Variants in MYH11 observed in about 807,000 individuals in gnomAD.
The protein encoded by MYH11 is myosin heavy chain 11.
In MYH11, 80 loss-of-function variants were observed where a neutral mutation model predicts 246.6. The observed-to-expected ratio is 0.32, with a 90% CI of 0.27 to 0.39. The LOEUF is 0.39. MYH11 is among the 10% of genes least tolerant of loss of function. The pLI is 1.00. For missense variants in MYH11, 2,158 were observed against 2,546.8 expected, an observed-to-expected ratio of 0.85 and a Z score of 3.29; for synonymous variants, 1,071 against 1,015.5, an observed-to-expected ratio of 1.05 and a Z score of -1.04.
chr16:15,726,286 G>C (rs1414951158), intron 28 of MYH11: 1 of 156,172 alleles, frequency 6.4e-6, no homozygotes, highest in African/African-American at 2.4e-5. Context: ...CTTGCTGTTG[G>C]ATCTCAGGAT....
chr16:15,709,351 C>A (rs900883505), intron 40 of MYH11, among the ~76,000 whole-genome samples: 1 of 151,832 alleles, frequency 6.6e-6, no homozygotes, highest in African/African-American at 2.4e-5. Context: ...TACTCTGTCA[C>A]CCAGGATGGA....
chr16:15,848,007 T>C (rs1023481523), intron 1 of MYH11, among the ~76,000 whole-genome samples: 11 of 152,064 alleles, frequency 7.2e-5, no homozygotes, highest in South Asian at 2.1e-4. Flanking sequence ...CTTTCCCTCA[T>C]TGAGACACAA....
At chr16:15,770,211 C>A (rs2042068149) in intron 9 of MYH11, among the ~76,000 whole-genome samples, 2 of 152,190 alleles carry the variant, frequency 1.3e-5, no homozygotes, top group Admixed American at 1.3e-4. Context: ...GACCCACATA[C>A]ACCATCCATT....
intron 27 of MYH11, among the ~76,000 whole-genome samples, chr16:15,729,842 C>T (rs1406727405): frequency 6.6e-6 from 1 of 152,074 alleles, no homozygotes; most frequent in African/African-American, 2.4e-5. Context: ...TGAGCCACTG[C>T]ACCCAGCCTA....
At chr16:15,842,569 C>T (rs1037716822) in intron 1 of MYH11, among the ~76,000 whole-genome samples, 2 of 151,620 alleles carry the variant, frequency 1.3e-5, no homozygotes, top group Admixed American at 1.3e-4. Context: ...TCAAGACCAG[C>T]TGGCCAACGT....
At chr16:15,739,772 C>T (rs564029997) in intron 23 of MYH11, among the ~76,000 whole-genome samples, 1 of 150,996 alleles carries the variant, frequency 6.6e-6, no homozygotes, top group Non-Finnish European at 1.5e-5. Flanking sequence ...GAAACAGAGT[C>T]ACTCTGTCAC....
intron 27 of MYH11, among the ~76,000 whole-genome samples, chr16:15,728,444 A>C (rs1449179903): frequency 2.0e-5 from 3 of 152,224 alleles, no homozygotes; most frequent in African/African-American, 7.2e-5. Context: ...AATCTGCCAC[A>C]TCTAAGTAGC....
In MYH11 at chr16:15,715,240, T is replaced by A; in HGVS notation, c.5537A>T (p.Gln1846Leu). 1 of 1,614,170 alleles carries A rather than the reference T, an allele frequency of 6.2e-7. No homozygotes were observed. The highest frequency in any genetic ancestry group is 1.1e-5 in the South Asian group (1 of 91,090). ...GATTTCCTTCAGCTTCTTGTCTTTC[T>A]GCTTCAGCGACTTGGTGGCCGCCTG... is the stretch of plus-strand genomic sequence containing the variant. ...EKQAATKSLK[Q>L]KDKKLKEILL... Residue 1846 changes from glutamine to leucine, a missense_variant, in exon 39 of 41, where the codon CAG becomes CTG. Gln to Leu is a moderately radical substitution (Grantham distance 113, BLOSUM62 -2). Transcript: ENST00000300036.
chr16:15,809,912 ACT>A (rs1224690646), intron 3 of MYH11, among the ~76,000 whole-genome samples: 1 of 151,928 alleles, frequency 6.6e-6, no homozygotes, highest in Non-Finnish European at 1.5e-5. Context: ...ACAGAGTGAG[ACT>A]CTGTCTCAAA....
chr16:15,741,533 C>T lies in MYH11; in HGVS notation c.2789G>A (p.Arg930His), dbSNP rs1025259076. Residue 930 changes from arginine to histidine, a missense_variant, in exon 22 of 41, where the codon CGC becomes CAC. Around this residue, in one of 11 missense-constraint regions of MYH11, gnomAD observed 284 missense variants for 315.4 expected, o/e 0.90. Transcript: ENST00000300036. ...LEEILHEMEA[R>H]LEEEEDRGQQ... ...GCCCCTGTCTTCCTCCTCCTCCAGGCGGGCCTCCATCTCATGCAGTATCTC... is the reference window on the plus strand; with the variant it reads ...GCCCCTGTCTTCCTCCTCCTCCAGGTGGGCCTCCATCTCATGCAGTATCTC... 18 of 1,610,246 alleles carry T rather than the reference C, an allele frequency of 1.1e-5. No individual in the cohort carries two copies. Among genetic ancestry groups the T allele is most frequent in the East Asian group, 8.9e-5 (4 of 44,886 alleles).
At position 15,720,954 on chromosome 16, in the gene MYH11, T is replaced by G. The variant is rs756906118; in HGVS notation, c.4676A>C (p.Glu1559Ala). The G allele has an allele frequency of 2.5e-6, 4 of 1,614,072 alleles. No homozygotes were observed. Among genetic ancestry groups the G allele is most frequent in the Middle Eastern group, 1.7e-4 (1 of 6,060 alleles). ...GACTTCCAGCCGCAGTTTGGCGTCC[T>G]CCGTGGCTTGCAGCTCGTCCTCCAG... ...EELEDELQAT[E>A]DAKLRLEVNM... The change falls in exon 33 of 41, where the codon GAG becomes GCG. Residue 1559 changes from glutamate (E) to alanine (A), a missense_variant. Coordinates refer to ENST00000300036, the MANE Select transcript of MYH11 (RefSeq NM_002474.3).
In MYH11 at chr16:15,819,941, T is replaced by A. The variant is rs1046810974; in HGVS notation, c.502+3314A>T. On this transcript the variant is annotated intron_variant, in intron 3 of 40. Transcript: ENST00000300036. ...GATTCAGTGGCTTCACCTTGCCAAT[T>A]ATTGGGTATCAATAGCCACCATCAT... is the stretch of plus-strand genomic sequence containing the variant. Among the ~76,000 whole-genome samples the A allele has an allele frequency of 2.3e-4, 35 of 152,224 alleles. No individual in the cohort carries two copies. In the South Asian group the frequency reaches 5.6e-3, roughly 24 times the overall value.
intron 6 of MYH11, among the ~76,000 whole-genome samples, chr16:15,781,044 C>A (rs996722905): frequency 6.6e-6 from 1 of 151,920 alleles, no homozygotes; most frequent in African/African-American, 2.4e-5. Flanking sequence ...GTGGCCTGGC[C>A]CGAGCATTGA....
intron 28 of MYH11, chr16:15,725,717 TG>T (rs2040721466): frequency 5.0e-6 from 2 of 398,844 alleles, no homozygotes; most frequent in Non-Finnish European, 8.8e-6. Context: ...GGTCCCTGGC[TG>T]TGGACATGTT....
At position 15,735,440 on chromosome 16, in the gene MYH11, G is replaced by A. The variant is rs145289672; in HGVS notation, c.3432C>T (p.Leu1144=). 1.5e-5 allele frequency: 25 copies of A among 1,613,910 alleles called. No individual in the cohort carries two copies. The highest frequency in any genetic ancestry group is 3.3e-5 in the South Asian group (3 of 91,080). ...TCTTTAGGGCCTCCAGCTCCTCGCC[G>A]AGGTCTCGCTTCTGCTTTTCAGCCT... is the stretch of plus-strand genomic sequence containing the variant. ...RNKAEKQKRD[L]GEELEALKTE... Residue 1144 remains leucine (L), a synonymous_variant, in exon 26 of 41, where the codon CTC becomes CTT. Transcript: ENST00000300036.
At chr16:15,782,532 C>A in intron 5 of MYH11, 55 bp from the exon 6 acceptor site, 1 of 1,433,768 alleles carries the variant, frequency 7.0e-7, no homozygotes, top group South Asian at 1.2e-5. Context: ...CCTGACAGTT[C>A]TACCTTGGAT....
At chr16:15,775,193 C>G (rs774794346) in intron 8 of MYH11, among the ~76,000 whole-genome samples, 1 of 152,220 alleles carries the variant, frequency 6.6e-6, no homozygotes, top group Non-Finnish European at 1.5e-5. Context: ...GTCCAGAACT[C>G]ATAACTTCCT....
Position 15,741,607 on chromosome 16 carries a change from C to G in MYH11, c.2715G>C (p.Glu905Asp). The G allele has an allele frequency of 1.2e-6, 2 of 1,613,196 alleles. No homozygotes were observed. The highest frequency in any genetic ancestry group is 1.1e-5 in the South Asian group (1 of 91,088). The part of the protein sequence containing the change: ...QLQAETELYA[E>D]AEEMRVRLAA... ...CCAGCCGCACCCGCATCTCCTCAGCCTCTGCATACAGCTCTGTCTCTGCCT... is the reference window on the plus strand; with the variant it reads ...CCAGCCGCACCCGCATCTCCTCAGCGTCTGCATACAGCTCTGTCTCTGCCT... The change falls in exon 22 of 41, where the codon GAG becomes GAC. Residue 905 changes from glutamate (E) to aspartate (D), a missense_variant. Coordinates refer to ENST00000300036, the MANE Select transcript of MYH11 (RefSeq NM_002474.3).
chr16:15,806,071 G>C (rs2043004027), intron 3 of MYH11, among the ~76,000 whole-genome samples: 1 of 146,150 alleles, frequency 6.8e-6, no homozygotes, highest in South Asian at 2.1e-4. Context: ...GAGGTCAGGA[G>C]TTCAAGACCA....
Sources: gnomAD v4.1 joint callset for allele counts (sites outside exome capture counted in the v4.1 genomes callset) on GRCh38, gnomAD v4.1.1 for gene constraint, gnomAD v4.1.1 regional missense constraint, MANE v1.5 for transcripts, NCBI Gene and HGNC (gene_info 2026-07-23, HGNC 2026-07-21) for gene names.